WDFY1: variants seen among roughly 807,000 people sequenced by gnomAD.
WDFY1 encodes WD repeat and FYVE domain containing 1.
WDFY1 carries 32 observed loss-of-function variants against 56.4 expected under a neutral mutation model. The ratio of observed to expected loss-of-function variants is 0.57; its 90% CI spans 0.43 to 0.76. The LOEUF is 0.76. WDFY1 is among the 30% of genes least tolerant of loss of function. WDFY1 has a pLI of 0.00. For synonymous variants in WDFY1, 192 were observed against 197.3 expected, an observed-to-expected ratio of 0.97 and a Z score of 0.23; for missense variants, 480 against 545.7, an observed-to-expected ratio of 0.88 and a Z score of 1.20.
chr2:223,917,889 A>T (rs17838658), intron 2 of WDFY1, 54 bp downstream of exon 2: 1 of 1,603,086 alleles, frequency 6.2e-7, no homozygotes, highest in Admixed American at 1.7e-5. Context: ...TGAAATTTAA[A>T]TCATCAAAAA....
chr2:223,910,163 A>T (rs1475192698), intron 3 of WDFY1, among the ~76,000 whole-genome samples: 1 of 151,204 alleles, frequency 6.6e-6, no homozygotes, highest in Non-Finnish European at 1.5e-5. Context: ...GAAAAAAAAT[A>T]GTCTTTTAAA....
At chr2:223,907,887 T>G (rs1693626020) in intron 3 of WDFY1, among the ~76,000 whole-genome samples, 1 of 150,124 alleles carries the variant, frequency 6.7e-6, no homozygotes, top group Admixed American at 6.7e-5. Context: ...TGAGACAGGG[T>G]CTTGTTCTGC....
chr2:223,915,016 T>C (rs765787365), intron 2 of WDFY1, among the ~76,000 whole-genome samples: 4 of 152,238 alleles, frequency 2.6e-5, no homozygotes, highest in Non-Finnish European at 4.4e-5. Context: ...AATTGGATAA[T>C]CTGCGGATAG....
At chr2:223,919,579 G>A (rs1056525494) in intron 1 of WDFY1, among the ~76,000 whole-genome samples, 2 of 152,032 alleles carry the variant, frequency 1.3e-5, no homozygotes, top group Admixed American at 6.6e-5. Flanking sequence ...GTGCAATCAC[G>A]GCTCATAGCA....
At chr2:223,919,830 T>TA (rs1693859988) in intron 1 of WDFY1, among the ~76,000 whole-genome samples, 1 of 152,160 alleles carries the variant, frequency 6.6e-6, no homozygotes, top group Non-Finnish European at 1.5e-5. Flanking sequence ...GTGGGATGCA[T>TA]AGGCAGCGTG....
At chr2:223,881,678 C>T (rs1001705464) in intron 10 of WDFY1, among the ~76,000 whole-genome samples, 1 of 152,214 alleles carries the variant, frequency 6.6e-6, no homozygotes, top group East Asian at 1.9e-4. Context: ...ATCCCAGCTA[C>T]TCGGGTGGCT....
At chr2:223,900,269 C>T (rs1298905235) in intron 5 of WDFY1, among the ~76,000 whole-genome samples, 1 of 152,192 alleles carries the variant, frequency 6.6e-6, no homozygotes, top group Non-Finnish European at 1.5e-5. Flanking sequence ...GCTTATGTAG[C>T]ACATACTATA....
chr2:223,934,382 C>T (rs1278621918), intron 1 of WDFY1, among the ~76,000 whole-genome samples: 1 of 152,094 alleles, frequency 6.6e-6, no homozygotes, highest in Non-Finnish European at 1.5e-5. Flanking sequence ...TGAGCCACCA[C>T]ACCCAGACAG....
intron 1 of WDFY1, among the ~76,000 whole-genome samples, chr2:223,928,299 A>T (rs776766542): frequency 5.3e-5 from 8 of 152,228 alleles, no homozygotes; most frequent in Non-Finnish European, 1.0e-4. Flanking sequence ...AAAACAAGGT[A>T]TGCTTGTATC....
intron 1 of WDFY1, among the ~76,000 whole-genome samples, chr2:223,922,994 T>C (rs1300853732): frequency 2.0e-5 from 3 of 152,278 alleles, no homozygotes; most frequent in South Asian, 2.1e-4. Flanking sequence ...AACTAGGAAA[T>C]TGTCAAGACT....
intron 10 of WDFY1, among the ~76,000 whole-genome samples, chr2:223,881,272 C>G (rs1401675688): frequency 6.6e-6 from 1 of 152,198 alleles, no homozygotes; most frequent in African/African-American, 2.4e-5. Flanking sequence ...GCACTGGATA[C>G]TTTTATAGAG....
At chr2:223,901,997 G>A (rs752652667) in intron 4 of WDFY1, among the ~76,000 whole-genome samples, 2 of 152,194 alleles carry the variant, frequency 1.3e-5, no homozygotes, top group African/African-American at 2.4e-5. Context: ...AAGCCACACC[G>A]GGGCAGTGTA....
chr2:223,903,172 T>C (rs141235095), intron 4 of WDFY1, among the ~76,000 whole-genome samples: 42 of 152,260 alleles, frequency 2.8e-4, no homozygotes, highest in African/African-American at 9.6e-4. Flanking sequence ...CAATGAAATA[T>C]AAAGGTCCAA....
At chr2:223,941,533 G>A (rs758942596) in intron 1 of WDFY1, among the ~76,000 whole-genome samples, 4 of 151,994 alleles carry the variant, frequency 2.6e-5, no homozygotes, top group Admixed American at 1.3e-4. Flanking sequence ...CCCAAACCCC[G>A]GCCCCAGCCC....
At position 223,917,968 on chromosome 2, in the gene WDFY1, C is replaced by G; in HGVS notation, c.180G>C (p.Trp60Cys). 1 of 1,614,120 alleles carries G rather than the reference C, an allele frequency of 6.2e-7. No homozygotes were observed. The highest frequency in any genetic ancestry group is 8.5e-7 in the Non-Finnish European group (1 of 1,180,016). Residue 60 changes from tryptophan to cysteine, a missense_variant, in exon 2 of 12, where the codon TGG (tryptophan) becomes TGC (cysteine). Physicochemically the swap from Trp to Cys is radical, Grantham distance 215. Transcript: ENST00000233055. Reference protein sequence around the residue: ...VWLKRDSGQYWPSIYHTMASP... With the variant: ...VWLKRDSGQYCPSIYHTMASP... ...AGGCCATTGTGTGGTAAATGCTGGG[C>G]CAGTATTGACCACTGTCTCTTTTCA...
chr2:223,918,435 T>C (rs1381686381), intron 1 of WDFY1, among the ~76,000 whole-genome samples: 1 of 152,040 alleles, frequency 6.6e-6, no homozygotes, highest in Non-Finnish European at 1.5e-5. Flanking sequence ...AAGACCATCT[T>C]GGCTAACATG....
chr2:223,919,985 A>G (rs1693862709), intron 1 of WDFY1, among the ~76,000 whole-genome samples: 1 of 152,184 alleles, frequency 6.6e-6, no homozygotes, highest in South Asian at 2.1e-4. Context: ...ATGCAAGCAC[A>G]AGGCAGAAAC....
At chr2:223,893,825 A>T (rs1458934865) in intron 8 of WDFY1, among the ~76,000 whole-genome samples, 2 of 152,216 alleles carry the variant, frequency 1.3e-5, no homozygotes, top group South Asian at 2.1e-4. Flanking sequence ...AAACCTGTCA[A>T]GTGTTTAGCT....
chr2:223,894,039 A>T (rs1360945104), intron 8 of WDFY1, among the ~76,000 whole-genome samples, 195 bp downstream of exon 8: 1 of 152,256 alleles, frequency 6.6e-6, no homozygotes, highest in Non-Finnish European at 1.5e-5. Context: ...TCATTGGTAG[A>T]AACTCTCAAA....
Sources: allele counts gnomAD v4.1 joint callset (sites outside exome capture counted in the v4.1 genomes callset), GRCh38; gene constraint gnomAD v4.1.1; transcripts MANE v1.5; gene names NCBI Gene and HGNC (gene_info 2026-07-23, HGNC 2026-07-21).